The following HMCN1 variants were observed in gnomAD, a reference collection of about 807,000 sequenced individuals.
HMCN1 encodes hemicentin 1, also known as hemicentin-1.
Under a neutral mutation model 625.9 loss-of-function variants are expected in HMCN1, and 321 were observed. The observed-to-expected ratio is 0.51, with a 90% CI of 0.47 to 0.56. The LOEUF (loss-of-function observed/expected upper bound fraction) is 0.56, where lower values mean the gene tolerates loss of function less well. HMCN1 is among the 20% of genes least tolerant of loss of function. The probability of loss-of-function intolerance (pLI) is 0.00; values close to 1 mark genes in which losing one functional copy is unlikely to be tolerated. For synonymous variants in HMCN1, 2,425 were observed against 2,417.6 expected (o/e 1.00, Z -0.09); for missense variants, 6,588 against 6,887.3 (o/e 0.96, Z 1.54).
intron 10 of HMCN1, among the ~76,000 whole-genome samples, chr1:185,929,882 T>C (rs1667458700): frequency 6.6e-6 from 1 of 152,210 alleles, no homozygotes; most frequent in Non-Finnish European, 1.5e-5. Flanking sequence ...CCAGTAATTA[T>C]GAAAAGCATT....
chr1:185,764,453 ATTG>A (rs1400866821), intron 1 of HMCN1, among the ~76,000 whole-genome samples: 3 of 152,132 alleles, frequency 2.0e-5, no homozygotes, highest in Non-Finnish European at 4.4e-5. Context: ...GAGTTGGATT[ATTG>A]TTCTGACCCA....
intron 5 of HMCN1, 49 bp from the exon 6 acceptor site, chr1:185,911,625 A>G (rs1271146998): frequency 7.9e-7 from 1 of 1,270,562 alleles, no homozygotes. Flanking sequence ...GCTAATATAC[A>G]TAGCTGAGAG....
In HMCN1 at chr1:186,001,404, T is replaced by C. The variant is rs780445303; in HGVS notation, c.4176T>C (p.Ile1392=). Residue 1392 remains isoleucine (I), a synonymous_variant, in exon 27 of 107, where the codon ATT becomes ATC. Coordinates refer to ENST00000271588, the MANE Select transcript of HMCN1 (RefSeq NM_031935.3). ...CEVEGTPSPI[I]MWYKDNVQVT... ...TGGAAGGCACTCCATCTCCCATCAT[T>C]ATGTGGTATAAAGATAATGTCCAGG... 6.2e-7 allele frequency: 1 copy of C among 1,612,516 alleles called. No individual in the cohort carries two copies. Among genetic ancestry groups the C allele is most frequent in the African/African-American group, 1.3e-5 (1 of 74,838 alleles).
intron 4 of HMCN1, among the ~76,000 whole-genome samples, chr1:185,877,695 A>G (rs968269638): frequency 2.0e-5 from 3 of 151,908 alleles, no homozygotes; most frequent in Non-Finnish European, 4.4e-5. Flanking sequence ...GGTTAAATAT[A>G]TTCTTAGGTA....
At position 186,057,006 on chromosome 1, in the gene HMCN1, A is replaced by G. The variant is rs190093049; in HGVS notation, c.7145-228A>G. On this transcript the variant is annotated intron_variant, in intron 45 of 106. Transcript: ENST00000271588. ...AATTTACTGCTAAGATTGAGGAAGA[A>G]GTGACATTTTTACTTCCAGGAATGT... Among the ~76,000 whole-genome samples the G allele has an allele frequency of 1.1e-3, 159 of 150,102 alleles. 1 individual carries two copies. The highest frequency in any genetic ancestry group is 3.8e-3 in the African/African-American group (153 of 40,728).
At chr1:186,033,867 C>T (rs1356469503) in intron 36 of HMCN1, among the ~76,000 whole-genome samples, 1 of 152,024 alleles carries the variant, frequency 6.6e-6, no homozygotes, top group Non-Finnish European at 1.5e-5. Flanking sequence ...CTTCTCTCCT[C>T]ATGGTTTTTA....
At chr1:185,947,007 A>T (rs912157561) in intron 11 of HMCN1, among the ~76,000 whole-genome samples, 8 of 152,162 alleles carry the variant, frequency 5.3e-5, no homozygotes, top group Non-Finnish European at 1.2e-4. Flanking sequence ...TCTCTTATTA[A>T]CTGAATTTTA....
intron 1 of HMCN1, among the ~76,000 whole-genome samples, chr1:185,819,221 G>T (rs1459011720): frequency 6.9e-6 from 1 of 145,592 alleles, no homozygotes; most frequent in Non-Finnish European, 1.5e-5. Flanking sequence ...TGGGCAACAA[G>T]AGCGAATCTC....
chr1:185,787,988 TC>T (rs1184900015), intron 1 of HMCN1, among the ~76,000 whole-genome samples: 1 of 152,132 alleles, frequency 6.6e-6, no homozygotes, highest in Non-Finnish European at 1.5e-5. Flanking sequence ...CACCCATCCA[TC>T]CCCAAATACT....
intron 64 of HMCN1, 147 bp downstream of exon 64, chr1:186,091,064 T>TG: frequency 2.5e-6 from 2 of 810,766 alleles, no homozygotes; most frequent in South Asian, 1.7e-5. Context: ...AAAACTTTTT[T>TG]TTGAGAACTG....
rs1652981314 is a variant in HMCN1, at chr1:186,182,261, T to A, written c.16388T>A (p.Leu5463His). The A allele has an allele frequency of 1.2e-6, 2 of 1,613,344 alleles. No individual in the cohort carries two copies. The highest frequency in any genetic ancestry group is 1.1e-5 in the South Asian group (1 of 91,082). ...TGCATCTGCCCACCTGGCTATCAAC[T>A]CACACACAATGGAAAGACATGCCAA... Reference protein sequence around the residue: ...YQCICPPGYQLTHNGKTCQDI... With the variant: ...YQCICPPGYQHTHNGKTCQDI... Residue 5463 changes from leucine (L) to histidine (H), a missense_variant, in exon 105 of 107, where the codon CTC becomes CAC. Transcript: ENST00000271588.
chr1:186,046,434 A>G (rs1415078650), intron 41 of HMCN1, among the ~76,000 whole-genome samples: 1 of 151,528 alleles, frequency 6.6e-6, no homozygotes, highest in Admixed American at 6.6e-5. Flanking sequence ...ACACCACTGC[A>G]CTCCAGCCTG....
Position 186,161,369 on chromosome 1 carries a change from T to C in HMCN1, c.15257-3742T>C, listed in dbSNP as rs182908501. Among the ~76,000 whole-genome samples the C allele has an allele frequency of 3.0e-5, 4 of 134,568 alleles. No homozygotes were observed. In the East Asian group the frequency reaches 7.9e-4, roughly 27 times the overall value. 88.3% of individuals were successfully genotyped at this position (134,568 alleles called of 152,430 possible). A position where few individuals can be genotyped will look rare whatever the true frequency, so the allele number is the denominator to read the frequency against. On this transcript the variant is annotated intron_variant, in intron 97 of 106. Transcript: ENST00000271588. Reference sequence around the variant, plus strand: ...AACACGCTGATGGGTCTTGTCTCTTTATCCAATTTGCCAGTCTGTGTCTTT... The same window carrying C: ...AACACGCTGATGGGTCTTGTCTCTTCATCCAATTTGCCAGTCTGTGTCTTT...
At chr1:186,143,155 A>G (rs1283775870) in intron 89 of HMCN1, among the ~76,000 whole-genome samples, 1 of 152,232 alleles carries the variant, frequency 6.6e-6, no homozygotes, top group African/African-American at 2.4e-5. Context: ...TAGTCAACTC[A>G]GTCAGAAACC....
chr1:186,048,469 G>GT (rs906731503), intron 41 of HMCN1, among the ~76,000 whole-genome samples: 1 of 151,896 alleles, frequency 6.6e-6, no homozygotes, highest in African/African-American at 2.4e-5. Flanking sequence ...GTACCTTTTC[G>GT]TTTTTTCTGA....
At chr1:185,817,599 A>G (rs1292104163) in intron 1 of HMCN1, among the ~76,000 whole-genome samples, 1 of 152,226 alleles carries the variant, frequency 6.6e-6, no homozygotes, top group African/African-American at 2.4e-5. Context: ...TTAATTCTAA[A>G]TTCTGAAAGT....
chr1:185,734,882 A>G lies in HMCN1; in HGVS notation c.103A>G (p.Ile35Val). 6.2e-7 allele frequency: 1 copy of G among 1,613,944 alleles called. No homozygotes were observed. The highest frequency in any genetic ancestry group is 1.1e-5 in the South Asian group (1 of 91,056). The change falls in exon 1 of 107, where the codon ATT (isoleucine) becomes GTT (valine). Residue 35 changes from isoleucine to valine, a missense_variant. Coordinates refer to ENST00000271588, the MANE Select transcript of HMCN1 (RefSeq NM_031935.3). ...CCAGTCAGAGATCAGAGCTGAGGAA[A>G]TTCCCGAGGGGGCCTCCACGTTGGC... ...SPQSEIRAEE[I>V]PEGASTLAFV...
intron 28 of HMCN1, among the ~76,000 whole-genome samples, chr1:186,002,877 C>T (rs1001496343): frequency 6.6e-6 from 1 of 152,082 alleles, no homozygotes; most frequent in African/African-American, 2.4e-5. Flanking sequence ...CTACCTTCTC[C>T]CCAACATTTC....
At chr1:185,848,150 CTA>C (rs1357012626) in intron 2 of HMCN1, among the ~76,000 whole-genome samples, 2 of 151,646 alleles carry the variant, frequency 1.3e-5, no homozygotes, top group African/African-American at 4.9e-5. Flanking sequence ...ACCGCATTGT[CTA>C]TGTTCACTGC....
Sources: gnomAD v4.1 joint callset for allele counts (sites outside exome capture counted in the v4.1 genomes callset) on GRCh38, gnomAD v4.1.1 for gene constraint, MANE v1.5 for transcripts, NCBI Gene and HGNC (gene_info 2026-07-23, HGNC 2026-07-21) for gene names.